CEP72: variants seen among roughly 807,000 people sequenced by gnomAD.
The protein encoded by CEP72 is centrosomal protein of 72 kDa.
Under a neutral mutation model 65.7 loss-of-function variants are expected in CEP72, and 78 were observed. That is an observed-to-expected ratio of 1.19 (90% CI 0.99 to 1.43). The LOEUF (loss-of-function observed/expected upper bound fraction) is 1.43. CEP72 is among the 40% of genes most tolerant of loss of function. The probability of loss-of-function intolerance (pLI) is 0.00; values close to 1 mark genes in which losing one functional copy is unlikely to be tolerated. For synonymous variants in CEP72, 358 were observed against 351.7 expected (o/e 1.02, Z -0.20); for missense variants, 914 against 832.9 (o/e 1.10, Z -1.20).
At chr5:669,298 C>T (rs1471686475), downstream of CEP72, among the ~76,000 whole-genome samples, 2 of 152,030 alleles carry the variant, frequency 1.3e-5, no homozygotes, top group Non-Finnish European at 2.9e-5. Context: ...GCCGGAGGTG[C>T]CCTGGGCAGC....
At chr5:653,877 A>G (rs1161014760), downstream of CEP72, among the ~76,000 whole-genome samples, 1 of 152,256 alleles carries the variant, frequency 6.6e-6, no homozygotes, top group African/African-American at 2.4e-5. Context: ...GATTGGTAAG[A>G]CAAGGTCATT....
chr5:619,876 G>C (rs992428171), intron 2 of CEP72, among the ~76,000 whole-genome samples, 193 bp from the exon 3 acceptor site: 1 of 152,192 alleles, frequency 6.6e-6, no homozygotes, highest in Non-Finnish European at 1.5e-5. Context: ...TTCCATAAAC[G>C]ACCGTCTCAC....
At chr5:613,855 C>T (rs142543127) in intron 1 of CEP72, among the ~76,000 whole-genome samples, 1,729 of 152,318 alleles carry the variant, frequency 0.011, 11 homozygotes, top group Non-Finnish European at 0.016. Flanking sequence ...AAATGGAAAA[C>T]TTAACGGTTT....
intron 7 of CEP72, among the ~76,000 whole-genome samples, chr5:638,081 G>C (rs1257925710): frequency 6.6e-6 from 1 of 152,220 alleles, no homozygotes; most frequent in Non-Finnish European, 1.5e-5. Flanking sequence ...TCACACTTAG[G>C]GTTCCAGGGT....
downstream of CEP72, among the ~76,000 whole-genome samples, chr5:669,775 G>A (rs1310214325): frequency 2.6e-5 from 4 of 152,088 alleles, no homozygotes; most frequent in African/African-American, 9.7e-5. Flanking sequence ...CCCCACACGG[G>A]CGGGGAGCTC....
chr5:631,683 A>G (rs10077248), intron 4 of CEP72, among the ~76,000 whole-genome samples: 812 of 25,878 alleles, frequency 0.031, 44 homozygotes, highest in African/African-American at 0.12. Context: ...GCCGGGATTT[A>G]GACCAGTCCT....
chr5:643,761 G>A, intron 9 of CEP72: 1 of 656,744 alleles, frequency 1.5e-6, no homozygotes, highest in Non-Finnish European at 1.9e-6. Context: ...GGGAGGGGCA[G>A]AGGCTGCCGT....
At chr5:636,340 G>A (rs915604594) in intron 6 of CEP72, among the ~76,000 whole-genome samples, 1 of 152,098 alleles carries the variant, frequency 6.6e-6, no homozygotes, top group Non-Finnish European at 1.5e-5. Flanking sequence ...TTCTCTGCAC[G>A]TGTGTGTGTG....
At chr5:629,891 C>A (rs6872344) in intron 4 of CEP72, among the ~76,000 whole-genome samples, 3,501 of 23,488 alleles carry the variant, frequency 0.15, 126 homozygotes, top group African/African-American at 0.21. Context: ...CGGGATTTGG[C>A]CCAGTCCTGG....
downstream of CEP72, among the ~76,000 whole-genome samples, chr5:669,206 C>T (rs551815031): frequency 5.9e-5 from 9 of 152,274 alleles, no homozygotes; most frequent in South Asian, 4.1e-4. Context: ...AGGGCAGCCA[C>T]GCAGGGCACA....
chr5:671,003 CCCAGGGCGGGCTGAGGG>C (rs1446919526), downstream of CEP72, among the ~76,000 whole-genome samples: 1 of 152,206 alleles, frequency 6.6e-6, no homozygotes, highest in Admixed American at 6.5e-5. Flanking sequence ...CAGCTCAGGC[CCCAGGGCGGGCTGAGGG>C]CCAGGGCCCT....
At chr5:673,913 G>A in the CEP72 span, among the ~76,000 whole-genome samples, 10 of 152,234 alleles carry the variant, frequency 6.6e-5, no homozygotes, top group South Asian at 2.1e-4. Context: ...CCCACCCACC[G>A]CAGGGAGAGT....
intron 4 of CEP72, among the ~76,000 whole-genome samples, chr5:628,078 G>A (rs1382560701): frequency 6.6e-6 from 1 of 152,190 alleles, no homozygotes; most frequent in Non-Finnish European, 1.5e-5. Flanking sequence ...TAGATGATGA[G>A]AACAGAATAT....
In CEP72 at chr5:644,388, T is replaced by C; in HGVS notation, c.1629T>C (p.Ser543=). The change falls in exon 10 of 12, where the codon AGT becomes AGC. Residue 543 remains serine, a synonymous_variant. Coordinates refer to ENST00000264935, the MANE Select transcript of CEP72 (RefSeq NM_018140.4). ...TGAGTATGAAAAAGGAAGTGAAGAG[T>C]GCAGACACTGCAGCCACGTTAAATT... The part of the protein sequence containing the change: ...LLLSMKKEVK[S]ADTAATLNLQ... The C allele has an allele frequency of 6.2e-7, 1 of 1,613,830 alleles. No individual in the cohort carries two copies. Among genetic ancestry groups the C allele is most frequent in the South Asian group, 1.1e-5 (1 of 91,070 alleles).
downstream of CEP72, among the ~76,000 whole-genome samples, chr5:669,480 G>A (rs1428978026): frequency 5.3e-5 from 8 of 152,112 alleles, no homozygotes; most frequent in Non-Finnish European, 1.2e-4. Context: ...GACTCTCTGG[G>A]GCCCTTGGGG....
intron 4 of CEP72, among the ~76,000 whole-genome samples, chr5:632,804 C>T (rs1177170424): frequency 9.1e-4 from 47 of 51,510 alleles, no homozygotes; most frequent in African/African-American, 2.4e-3. Context: ...TGTCCAGCGC[C>T]GGGATTTGGC....
downstream of CEP72, among the ~76,000 whole-genome samples, chr5:668,726 A>C (rs1319767300): frequency 1.3e-5 from 2 of 152,174 alleles, no homozygotes; most frequent in Middle Eastern, 3.2e-3. Context: ...TCACACATAA[A>C]CGCAAATGTT....
At chr5:666,331 C>T (rs550631190) in intron 4 of CEP72, among the ~76,000 whole-genome samples, 10 of 152,348 alleles carry the variant, frequency 6.6e-5, no homozygotes, top group Admixed American at 3.3e-4. Flanking sequence ...GATGCTCACA[C>T]GGCCCTGCAG....
rs538014115 is a variant in CEP72, at chr5:648,468, G to A, written c.1778+552G>A. ...CCTGAGTGTGAGGTGTGACTGTGAG[G>A]TGTGACTGTGAGGTATGACTGTGAG... On this transcript the variant is annotated intron_variant, in intron 11 of 11. Transcript: ENST00000264935. 8.8e-4 allele frequency among the ~76,000 whole-genome samples: 128 copies of A among 145,634 alleles called. 4 individuals are homozygous for A. The highest frequency in any genetic ancestry group is 7.4e-3 in the Admixed American group (109 of 14,634).
Sources: gnomAD v4.1 joint callset for allele counts (sites outside exome capture counted in the v4.1 genomes callset) on GRCh38, gnomAD v4.1.1 for gene constraint, MANE v1.5 for transcripts, NCBI Gene and HGNC (gene_info 2026-07-23, HGNC 2026-07-21) for gene names.